Variants in KCNQ1 observed in about 807,000 individuals in gnomAD.
KCNQ1 encodes potassium voltage-gated channel subfamily KQT member 1.
Under a neutral mutation model 72.4 loss-of-function variants are expected in KCNQ1, and 49 were observed. The ratio of observed to expected loss-of-function variants is 0.68; its 90% CI spans 0.54 to 0.86. The LOEUF is 0.86. KCNQ1 is among the 40% of genes least tolerant of loss of function. The probability of loss-of-function intolerance (pLI) is 0.00; values close to 1 mark genes in which losing one functional copy is unlikely to be tolerated. For missense variants in KCNQ1, 790 were observed against 945.1 expected (o/e 0.84, Z 2.15); for synonymous variants, 450 against 412.6 (o/e 1.09, Z -1.10).
intron 15 of KCNQ1, among the ~76,000 whole-genome samples, chr11:2,832,447 C>G (rs925982012): frequency 6.6e-6 from 1 of 152,190 alleles, no homozygotes; most frequent in Admixed American, 6.5e-5. Flanking sequence ...CAAGAGGAAC[C>G]AGGATACCCA....
rs928183321 is a variant in KCNQ1, at chr11:2,724,106, A to C, written c.1515-44738A>C. ...TGGGGGCCCAGGCTTTTGATAGAGA[A>C]TCACATCTGGACCAGGACGTTCTGG... On this transcript the variant is annotated intron_variant, in intron 11 of 15. Transcript: ENST00000155840. This position sits in a 1 kb window ranked among gnomAD's most constrained non-coding sequence, Gnocchi z 6.8. 2.0e-5 allele frequency among the ~76,000 whole-genome samples: 3 copies of C among 152,086 alleles called. No homozygotes were observed. Among genetic ancestry groups the C allele is most frequent in the African/African-American group, 7.2e-5 (3 of 41,412 alleles).
At chr11:2,558,522 C>A (rs970188622) in intron 2 of KCNQ1, among the ~76,000 whole-genome samples, 7 of 152,194 alleles carry the variant, frequency 4.6e-5, no homozygotes, top group African/African-American at 1.7e-4. Flanking sequence ...CTCTGCCTAG[C>A]GCCATCTGCC....
At chr11:2,596,856 A>G (rs1194123110) in intron 10 of KCNQ1, among the ~76,000 whole-genome samples, 1 of 151,654 alleles carries the variant, frequency 6.6e-6, no homozygotes, top group African/African-American at 2.4e-5. Context: ...TTATATCTCA[A>G]TAAAACTGTT....
intron 1 of KCNQ1, among the ~76,000 whole-genome samples, chr11:2,519,354 C>T (rs1847340890): frequency 6.6e-6 from 1 of 152,230 alleles, no homozygotes; most frequent in South Asian, 2.1e-4. Flanking sequence ...GGACGTGACC[C>T]TCTTTTTAAA....
At chr11:2,834,684 G>A (rs373680147) in intron 15 of KCNQ1, among the ~76,000 whole-genome samples, 4 of 152,218 alleles carry the variant, frequency 2.6e-5, no homozygotes, top group East Asian at 3.8e-4. Context: ...GCCAGGTGAA[G>A]GAACAAGCTT....
At chr11:2,681,817 G>C in intron 11 of KCNQ1, 1 of 398,494 alleles carries the variant, frequency 2.5e-6, no homozygotes, top group Non-Finnish European at 4.4e-6. Context: ...TCAGGTTATG[G>C]TCATATCATC....
At chr11:2,825,447 G>C (rs996559664) in intron 15 of KCNQ1, among the ~76,000 whole-genome samples, 52 of 152,220 alleles carry the variant, frequency 3.4e-4, no homozygotes, top group African/African-American at 1.1e-3. Flanking sequence ...CGGGGGGGTA[G>C]GGGCGCCCCA....
chr11:2,638,560 G>T (rs987758230), intron 10 of KCNQ1: 1 of 152,168 alleles, frequency 6.6e-6, no homozygotes, highest in African/African-American at 2.4e-5. Flanking sequence ...AGTCTGATGG[G>T]TTTCCCTTTG....
intron 1 of KCNQ1, among the ~76,000 whole-genome samples, chr11:2,504,025 C>G (rs1847060598): frequency 6.6e-6 from 1 of 152,212 alleles, no homozygotes; most frequent in Non-Finnish European, 1.5e-5. Flanking sequence ...AGGATCCGCA[C>G]TCCTGTGTTT....
At position 2,613,496 on chromosome 11, in the gene KCNQ1, C is replaced by A. The variant is rs1232104445; in HGVS notation, c.1393+24642C>A. Reference sequence around the variant, plus strand: ...GTTGCTGGTCCTCAAGCCTACCGTGCCCCTGAGCTTGGGTGGGGAGATGGC... The same window carrying A: ...GTTGCTGGTCCTCAAGCCTACCGTGACCCTGAGCTTGGGTGGGGAGATGGC... On this transcript the variant is annotated intron_variant, in intron 10 of 15. Coordinates refer to ENST00000155840, the MANE Select transcript of KCNQ1 (RefSeq NM_000218.3). This position sits in a 1 kb window ranked among gnomAD's most constrained non-coding sequence, Gnocchi z 4.8. 3.3e-5 allele frequency: 13 copies of A among 398,552 alleles called. No individual in the cohort carries two copies. The highest frequency in any genetic ancestry group is 6.3e-4 in the Middle Eastern group (1 of 1,590). The allele number at this position is 398,552 out of a possible 1,614,324, so 24.7% of individuals were successfully genotyped here.
intron 10 of KCNQ1, chr11:2,644,127 A>C: frequency 2.5e-6 from 1 of 398,426 alleles, no homozygotes; most frequent in Non-Finnish European, 4.4e-6. Context: ...CTATATTTGG[A>C]TCTAAATCTC....
At position 2,564,742 on chromosome 11, in the gene KCNQ1, A is replaced by G. The variant is rs1043617205; in HGVS notation, c.478-5886A>G. Among the ~76,000 whole-genome samples, 6 of 151,346 alleles carry G rather than the reference A, an allele frequency of 4.0e-5. No individual in the cohort carries two copies. The highest frequency in any genetic ancestry group is 6.6e-5 in the Admixed American group (1 of 15,166). ...TGTCCCCATTAAACACTCACTCCCT[A>G]CTCCCCCTTCCCCAGCCCCTGGCGC... On this transcript the variant is annotated intron_variant, in intron 2 of 15. Transcript: ENST00000155840. The surrounding 1 kb of genome is among the most constrained non-coding windows in gnomAD (Gnocchi z 4.5).
chr11:2,636,053 G>A (rs1231291763), intron 10 of KCNQ1: 1 of 152,232 alleles, frequency 6.6e-6, no homozygotes, highest in Non-Finnish European at 1.5e-5. Flanking sequence ...AGACTTTGTT[G>A]AAGTTGCTTA....
At chr11:2,461,417 G>A (rs1223032864) in intron 1 of KCNQ1, 24 of 1,276,868 alleles carry the variant, frequency 1.9e-5, no homozygotes, top group Non-Finnish European at 2.3e-5. Flanking sequence ...GGGTGAGCCG[G>A]CCGGGGCGGG....
intron 11 of KCNQ1, chr11:2,675,617 G>A (rs574974390): frequency 5.0e-6 from 2 of 398,632 alleles, no homozygotes; most frequent in African/African-American, 2.1e-5. Context: ...ATAGGGTGGA[G>A]AGCACCCCTT....
intron 10 of KCNQ1, chr11:2,640,243 G>A (rs1458168638): frequency 1.0e-5 from 4 of 396,648 alleles, no homozygotes; most frequent in African/African-American, 4.1e-5. Flanking sequence ...GAGCCCCAGT[G>A]AGATGAACCC....
chr11:2,801,186 C>G (rs1346946739), intron 15 of KCNQ1, among the ~76,000 whole-genome samples: 1 of 152,162 alleles, frequency 6.6e-6, no homozygotes, highest in Non-Finnish European at 1.5e-5. Flanking sequence ...CCCCTAGAGG[C>G]TCCCCAGTTC....
At chr11:2,733,145 G>A (rs750178283) in intron 11 of KCNQ1, among the ~76,000 whole-genome samples, 14 of 152,104 alleles carry the variant, frequency 9.2e-5, no homozygotes, top group Non-Finnish European at 1.6e-4. Context: ...CCTCAGAACG[G>A]CTCTGGCCCC....
rs1443284566 is a variant in KCNQ1 at position 2,784,519 on chromosome 11, T to C, written c.1794+6482T>C. Among the ~76,000 whole-genome samples, 1 of 151,960 alleles carries C rather than the reference T, an allele frequency of 6.6e-6. No homozygotes were observed. The highest frequency in any genetic ancestry group is 1.5e-5 in the Non-Finnish European group (1 of 67,800). On this transcript the variant is annotated intron_variant, in intron 15 of 15. Transcript: ENST00000155840. This position sits in a 1 kb window ranked among gnomAD's most constrained non-coding sequence, Gnocchi z 4.7. ...TTGTTTCTGTCTATTCTAAGTCCTA[T>C]GAATTTCCATATAAATTTTAGGTTC...
Sources: allele counts gnomAD v4.1 joint callset (sites outside exome capture counted in the v4.1 genomes callset), GRCh38; gene constraint gnomAD v4.1.1; non-coding constraint Gnocchi (gnomAD v3.1); transcripts MANE v1.5; gene names NCBI Gene and HGNC (gene_info 2026-07-23, HGNC 2026-07-21).